Variants in ALDH1A1 observed in about 807,000 individuals in gnomAD.
The protein encoded by ALDH1A1 is aldehyde dehydrogenase 1A1.
ALDH1A1 carries 19 observed loss-of-function variants against 62.1 expected under a neutral mutation model. The ratio of observed to expected loss-of-function variants is 0.31; its 90% CI spans 0.21 to 0.45. The LOEUF is 0.45. Ranked by LOEUF, ALDH1A1 falls within the 20% of genes least tolerant of loss-of-function variation. The pLI is 1.00. For missense variants in ALDH1A1, 521 were observed against 607.1 expected (o/e 0.86, Z 1.49); for synonymous variants, 231 against 215.9 (o/e 1.07, Z -0.61).
In ALDH1A1 at chr9:72,949,664, CGTGT is replaced by C. The variant is rs1208876244; in HGVS notation, c.66+3267_66+3270del. ...ATTATTTATTGTGTGTGTGTGTGTGCGTGTGTGTGTGTGTGTGTGTATGTATGAG... is the reference window on the plus strand; with the variant it reads ...ATTATTTATTGTGTGTGTGTGTGTGCGTGTGTGTGTGTGTGTATGTATGAG... On this transcript the variant is annotated intron_variant, in intron 1 of 12. Transcript: ENST00000297785. Among the ~76,000 whole-genome samples the C allele has an allele frequency of 2.9e-3, 410 of 140,410 alleles. 5 individuals are homozygous for C. The highest frequency in any genetic ancestry group is 8.8e-4 in the Non-Finnish European group (57 of 65,084). The allele number at this position is 140,410 out of a possible 152,430, so 92.1% of individuals were successfully genotyped here.
intron 2 of ALDH1A1, among the ~76,000 whole-genome samples, chr9:72,934,660 C>A (rs1830326803): frequency 6.6e-6 from 1 of 152,186 alleles, no homozygotes. Flanking sequence ...GCTCAAATAT[C>A]AATCTACCTA....
intron 2 of ALDH1A1, among the ~76,000 whole-genome samples, chr9:72,932,852 G>A (rs1209063559): frequency 6.6e-6 from 1 of 152,204 alleles, no homozygotes. Flanking sequence ...TGTTTAAACA[G>A]ATCTGTATGA....
intron 9 of ALDH1A1, among the ~76,000 whole-genome samples, chr9:72,912,502 G>A (rs1201365886): frequency 6.6e-6 from 1 of 152,170 alleles, no homozygotes; most frequent in Non-Finnish European, 1.5e-5. Flanking sequence ...AGGGAAAAGA[G>A]AAAAACAGAA....
At position 72,918,837 on chromosome 9, in the gene ALDH1A1, T is replaced by C; in HGVS notation, c.748-15A>G. 1 of 1,601,228 alleles carries C rather than the reference T, an allele frequency of 6.2e-7. No homozygotes were observed. Among genetic ancestry groups the C allele is most frequent in the Non-Finnish European group, 8.6e-7 (1 of 1,168,292 alleles). On this transcript the variant is annotated splice_polypyrimidine_tract_variant and intron_variant, in intron 7 of 12. Coordinates refer to ENST00000297785, the MANE Select transcript of ALDH1A1 (RefSeq NM_000689.5). The stretch of plus-strand genomic sequence containing the variant: ...AACTTGCCAACCTGAAAGGGAGCAT[T>C]ACAAAGGAGGAGGCTTACCCTGCTC...
chr9:72,936,012 A>G (rs1233510647), intron 2 of ALDH1A1, among the ~76,000 whole-genome samples: 1 of 152,204 alleles, frequency 6.6e-6, no homozygotes, highest in African/African-American at 2.4e-5. Context: ...TAGATGTTCA[A>G]ACTGGTTTAC....
At chr9:72,908,599 GAAA>G (rs1564622842) in intron 11 of ALDH1A1, among the ~76,000 whole-genome samples, 2 of 144,446 alleles carry the variant, frequency 1.4e-5, no homozygotes, top group South Asian at 2.2e-4. Flanking sequence ...AAGAAAGAAA[GAAA>G]GAAAGAAAGA....
At chr9:72,932,501 T>C (rs1830294974) in intron 2 of ALDH1A1, among the ~76,000 whole-genome samples, 2 of 152,190 alleles carry the variant, frequency 1.3e-5, no homozygotes, top group African/African-American at 4.8e-5. Flanking sequence ...TCTGGTCTGA[T>C]TAAGTAATAA....
At chr9:72,913,077 A>T (rs1830011895) in intron 9 of ALDH1A1, among the ~76,000 whole-genome samples, 1 of 152,108 alleles carries the variant, frequency 6.6e-6, no homozygotes, top group Admixed American at 6.6e-5. Context: ...TTGTAGGTTT[A>T]ACTTCCCACT....
At chr9:72,916,847 A>G in intron 9 of ALDH1A1, 73 bp downstream of exon 9, 1 of 1,300,006 alleles carries the variant, frequency 7.7e-7, no homozygotes, top group Non-Finnish European at 1.0e-6. Flanking sequence ...ATCTTACTCA[A>G]TAAAATCTAG....
intron 9 of ALDH1A1, among the ~76,000 whole-genome samples, chr9:72,914,042 G>A (rs8187968): frequency 0.011 from 1,648 of 152,304 alleles, 24 homozygotes; most frequent in African/African-American, 0.037. Context: ...ATGCTAGGAT[G>A]TAGCTGGGGC....
intron 1 of ALDH1A1, among the ~76,000 whole-genome samples, chr9:72,950,509 A>G (rs764746889): frequency 2.6e-5 from 4 of 151,874 alleles, no homozygotes; most frequent in African/African-American, 9.7e-5. Context: ...TCTCTCTTTA[A>G]TCTACCCCAA....
intron 1 of ALDH1A1, among the ~76,000 whole-genome samples, chr9:72,943,444 AC>A (rs1341829525): frequency 1.3e-5 from 2 of 152,154 alleles, no homozygotes; most frequent in African/African-American, 4.8e-5. Context: ...TAAAACTGCC[AC>A]TTTAGATTAA....
intron 1 of ALDH1A1, among the ~76,000 whole-genome samples, chr9:72,949,442 C>G (rs1563918918): frequency 6.6e-6 from 1 of 151,780 alleles, no homozygotes; most frequent in Non-Finnish European, 1.5e-5. Flanking sequence ...GCTCAAACTG[C>G]CAGCATTGGC....
At chr9:72,930,694 A>G (rs1830269742) in intron 3 of ALDH1A1, among the ~76,000 whole-genome samples, 185 bp downstream of exon 3, 1 of 152,200 alleles carries the variant, frequency 6.6e-6, no homozygotes, top group Non-Finnish European at 1.5e-5. Flanking sequence ...ATCATCCAGA[A>G]TTGAAATGCA....
intron 8 of ALDH1A1, among the ~76,000 whole-genome samples, chr9:72,918,506 C>T (rs947807525): frequency 2.0e-5 from 3 of 151,170 alleles, no homozygotes; most frequent in African/African-American, 7.3e-5. Context: ...CTATTCTAAA[C>T]GAGGAAGAAA....
intron 1 of ALDH1A1, among the ~76,000 whole-genome samples, chr9:72,952,343 C>T (rs1830553708): frequency 6.6e-6 from 1 of 151,954 alleles, no homozygotes; most frequent in Admixed American, 6.6e-5. Context: ...TATCAGTTAA[C>T]AATTACACAT....
intron 2 of ALDH1A1, among the ~76,000 whole-genome samples, chr9:72,939,641 C>T (rs1414731817): frequency 6.6e-6 from 1 of 151,770 alleles, no homozygotes; most frequent in Non-Finnish European, 1.5e-5. Flanking sequence ...CCTCAGCCTC[C>T]TGAGTAGCTG....
Position 72,928,991 on chromosome 9 carries a change from A to G in ALDH1A1, c.343T>C (p.Tyr115His). 1 of 1,613,868 alleles carries G rather than the reference A, an allele frequency of 6.2e-7. No homozygotes were observed. The highest frequency in any genetic ancestry group is 8.5e-7 in the Non-Finnish European group (1 of 1,179,830). The stretch of plus-strand genomic sequence containing the variant: ...AAATCATTCAGATATGCATTGGAAT[A>G]GAGTTTTCCACCATTCATTGACTCC... ...TMESMNGGKL[Y>H]SNAYLNDLAG... is the part of the protein sequence containing the mutation. The change falls in exon 4 of 13, where the codon TAT (tyrosine) becomes CAT (histidine). Residue 115 changes from tyrosine to histidine, a missense_variant. Physicochemically the swap from Tyr to His is moderately conservative, Grantham distance 83. Transcript: ENST00000297785.
chr9:72,922,464 G>A (rs182866493), intron 7 of ALDH1A1, among the ~76,000 whole-genome samples: 1 of 152,230 alleles, frequency 6.6e-6, no homozygotes, highest in Admixed American at 6.5e-5. Context: ...AGTAGCTCCT[G>A]GTCCAGATGA....
Sources: allele counts gnomAD v4.1 joint callset (sites outside exome capture counted in the v4.1 genomes callset), GRCh38; gene constraint gnomAD v4.1.1; transcripts MANE v1.5; gene names NCBI Gene and HGNC (gene_info 2026-07-23, HGNC 2026-07-21).